The following CRY2 variants were observed in gnomAD, a reference collection of about 807,000 sequenced individuals.
CRY2 encodes cryptochrome-2.
Under a neutral mutation model 69.5 loss-of-function variants are expected in CRY2, and 31 were observed. The ratio of observed to expected loss-of-function variants is 0.45; its 90% CI spans 0.34 to 0.60. The LOEUF (loss-of-function observed/expected upper bound fraction) is 0.60. Ranked by LOEUF, CRY2 falls within the 20% of genes least tolerant of loss-of-function variation. CRY2 has a pLI of 0.02. For synonymous variants in CRY2, 303 were observed against 312.2 expected (o/e 0.97, Z 0.31); for missense variants, 606 against 797.8 (o/e 0.76, Z 2.90).
rs561720160 is a variant in CRY2, at chr11:45,883,028, T to A, written c.*2117T>A. 7 of 284,844 alleles carry A rather than the reference T, an allele frequency of 2.5e-5. No individual in the cohort carries two copies. Among genetic ancestry groups the A allele is most frequent in the African/African-American group, 1.1e-4 (5 of 46,150 alleles). 17.6% of individuals were successfully genotyped at this position (284,844 alleles called of 1,614,324 possible). A position where few individuals can be genotyped will look rare whatever the true frequency, so the allele number is the denominator to read the frequency against. On this transcript the variant is annotated 3_prime_UTR_variant, in exon 12 of 12. Coordinates refer to ENST00000616080, the MANE Select transcript of CRY2 (RefSeq NM_021117.5). ...GAGGGTATGTCCAGTAGCCTGGAGC[T>A]CCATGGTGGCTTCATGCCTCCCTTC...
At chr11:45,875,419 A>G (rs2086417783) in intron 11 of CRY2, among the ~76,000 whole-genome samples, 1 of 152,226 alleles carries the variant, frequency 6.6e-6, no homozygotes, top group African/African-American at 2.4e-5. Flanking sequence ...GGGAGGATGA[A>G]TTAGGCATTG....
At chr11:45,847,306 G>T (rs1473200630), upstream of CRY2, 4 of 1,571,970 alleles carry the variant, frequency 2.5e-6, no homozygotes, top group Non-Finnish European at 3.5e-6. Context: ...GGGCGGGCCT[G>T]TTCCGGCGCC....
chr11:45,855,549 G>A (rs2086232761), intron 1 of CRY2, among the ~76,000 whole-genome samples: 1 of 152,200 alleles, frequency 6.6e-6, no homozygotes. Context: ...CCCAGAGACT[G>A]CGAGGGAGTA....
At chr11:45,859,561 CAAAA>C (rs528228201) in intron 3 of CRY2, among the ~76,000 whole-genome samples, 8 of 122,490 alleles carry the variant, frequency 6.5e-5, no homozygotes, top group Admixed American at 3.4e-4. Context: ...GATCCTGTGT[CAAAA>C]AAAAAAAAAA....
chr11:45,864,301 A>G (rs2134639207), intron 5 of CRY2, among the ~76,000 whole-genome samples: 1 of 152,358 alleles, frequency 6.6e-6, no homozygotes, highest in East Asian at 1.9e-4. Context: ...AAATGTGCAG[A>G]TTAAAAGAAA....
At chr11:45,854,154 A>G (rs2086220049) in intron 1 of CRY2, among the ~76,000 whole-genome samples, 1 of 152,208 alleles carries the variant, frequency 6.6e-6, no homozygotes, top group Non-Finnish European at 1.5e-5. Flanking sequence ...TGCCATTTCT[A>G]TTGTTGACAG....
chr11:45,858,928 G>C (rs1282436215), intron 3 of CRY2, 55 bp downstream of exon 3: 1 of 1,587,674 alleles, frequency 6.3e-7, no homozygotes, highest in African/African-American at 1.3e-5. Context: ...AGTAATTTGG[G>C]CCCCTGCTGA....
intron 11 of CRY2, among the ~76,000 whole-genome samples, chr11:45,877,303 A>G (rs533942376): frequency 1.3e-3 from 204 of 152,346 alleles, no homozygotes; most frequent in Non-Finnish European, 2.0e-3. Flanking sequence ...GCCTTGCCCA[A>G]TATGATGGGG....
intron 2 of CRY2, chr11:45,856,394 C>T (rs2086239290): frequency 6.7e-6 from 2 of 297,042 alleles, no homozygotes; most frequent in Non-Finnish European, 1.3e-5. Context: ...TTTCTTGGCT[C>T]AAGCCAGCCA....
Position 45,856,038 on chromosome 11 carries a change from G to A in CRY2, c.272G>A (p.Arg91His), listed in dbSNP as rs1445591636. The A allele has an allele frequency of 3.7e-6, 6 of 1,614,146 alleles. No individual in the cohort carries two copies. The highest frequency in any genetic ancestry group is 4.2e-6 in the Non-Finnish European group (5 of 1,180,016). ...ACAAGTTTAAGGAAACTGAACTCCC[G>A]CCTGTTTGTAGTCCGGGGACAGCCA... is the stretch of plus-strand genomic sequence containing the variant. Reference protein sequence around the residue: ...LDTSLRKLNSRLFVVRGQPAD... With the variant: ...LDTSLRKLNSHLFVVRGQPAD... Residue 91 changes from arginine to histidine, a missense_variant, in exon 2 of 12, where the codon CGC becomes CAC. By Grantham distance (29) the Arg-to-His change is conservative. This residue lies in a region of CRY2 where 382 missense variants were observed against 508.9 expected (regional missense o/e 0.75). Coordinates refer to ENST00000616080, the MANE Select transcript of CRY2 (RefSeq NM_021117.5).
chr11:45,848,313 T>A (rs1377341461), intron 1 of CRY2, among the ~76,000 whole-genome samples: 2 of 152,278 alleles, frequency 1.3e-5, no homozygotes, highest in Admixed American at 6.5e-5. Context: ...GCCAAAGGCG[T>A]CTTCAGGTGG....
chr11:45,857,601 T>C (rs2086251732), intron 2 of CRY2, among the ~76,000 whole-genome samples: 2 of 152,092 alleles, frequency 1.3e-5, no homozygotes, highest in Admixed American at 1.3e-4. Flanking sequence ...GCTCTGAGAG[T>C]TCACACTAAT....
At chr11:45,869,462 AG>A (rs769516641) in intron 6 of CRY2, 43 bp from the exon 7 acceptor site, 16 of 1,556,462 alleles carry the variant, frequency 1.0e-5, no homozygotes, top group Non-Finnish European at 1.4e-5. Flanking sequence ...CCATGCTAAG[AG>A]CTGGGCGAGT....
chr11:45,872,845 CT>C (rs1233219630), intron 11 of CRY2, among the ~76,000 whole-genome samples: 1 of 152,206 alleles, frequency 6.6e-6, no homozygotes, highest in East Asian at 1.9e-4. Context: ...GGGTCTGAGG[CT>C]GCTCCAGGCC....
chr11:45,879,143 C>T (rs377455312), intron 11 of CRY2, among the ~76,000 whole-genome samples: 26 of 149,592 alleles, frequency 1.7e-4, no homozygotes, highest in East Asian at 1.0e-3. Context: ...GCAGGAGAAT[C>T]GCTTGAACCT....
chr11:45,877,815 C>T (rs1240919934), intron 11 of CRY2, among the ~76,000 whole-genome samples: 2 of 152,206 alleles, frequency 1.3e-5, no homozygotes, highest in Non-Finnish European at 2.9e-5. Flanking sequence ...AGCATGGCAC[C>T]AACTAGTTAT....
chr11:45,849,644 G>A (rs57989022), intron 1 of CRY2, among the ~76,000 whole-genome samples: 10,304 of 148,776 alleles, frequency 0.069, 1,028 homozygotes, highest in East Asian at 0.54. Flanking sequence ...TTTTGAGACG[G>A]AGTTTTGTTC....
Position 45,847,548 on chromosome 11 carries a change from G to A in CRY2, c.58G>A (p.Asp20Asn). The A allele has an allele frequency of 6.3e-7, 1 of 1,590,900 alleles. No homozygotes were observed. Among genetic ancestry groups the A allele is most frequent in the South Asian group, 1.1e-5 (1 of 88,792 alleles). Residue 20 changes from aspartate to asparagine, a missense_variant, in exon 1 of 12, where the codon GAC (aspartate) becomes AAC (asparagine). Around this residue, in one of 5 missense-constraint regions of CRY2, gnomAD observed 45 missense variants for 35.7 expected, o/e 1.26. Coordinates refer to ENST00000616080, the MANE Select transcript of CRY2 (RefSeq NM_021117.5). Reference sequence around the variant, plus strand: ...GGCCCCGGCGCCAGCGCCCGGCACGGACAGCGCCTCTTCGGTGCACTGGTT... The same window carrying A: ...GGCCCCGGCGCCAGCGCCCGGCACGAACAGCGCCTCTTCGGTGCACTGGTT... ...AVAPAPAPGT[D>N]SASSVHWFRK...
At chr11:45,851,523 A>G (rs2086199216) in intron 1 of CRY2, among the ~76,000 whole-genome samples, 1 of 152,208 alleles carries the variant, frequency 6.6e-6, no homozygotes. Flanking sequence ...TCTCTGAGCT[A>G]TTCACATTGG....
Sources: gnomAD v4.1 joint callset for allele counts (sites outside exome capture counted in the v4.1 genomes callset) on GRCh38, gnomAD v4.1.1 for gene constraint, gnomAD v4.1.1 regional missense constraint, MANE v1.5 for transcripts, NCBI Gene and HGNC (gene_info 2026-07-23, HGNC 2026-07-21) for gene names.